Variants in ELL observed in about 807,000 individuals in gnomAD.
The protein encoded by ELL is RNA polymerase II elongation factor ELL.
Under a neutral mutation model 64.0 loss-of-function variants are expected in ELL, and 18 were observed. The ratio of observed to expected loss-of-function variants is 0.28; its 90% CI spans 0.19 to 0.42. The LOEUF (loss-of-function observed/expected upper bound fraction) is 0.42. ELL is among the 10% of genes least tolerant of loss of function. ELL has a pLI of 1.00. For synonymous variants in ELL, 399 were observed against 376.2 expected (o/e 1.06, Z -0.70); for missense variants, 797 against 870.4 (o/e 0.92, Z 1.06).
At chr19:18,460,978 G>A (rs1974799105) in intron 5 of ELL, among the ~76,000 whole-genome samples, 1 of 152,090 alleles carries the variant, frequency 6.6e-6, no homozygotes, top group African/African-American at 2.4e-5. Flanking sequence ...GGGTGAGGGG[G>A]GTGGAAGGCA....
At chr19:18,508,044 G>A (rs957910593) in intron 1 of ELL, among the ~76,000 whole-genome samples, 1 of 152,178 alleles carries the variant, frequency 6.6e-6, no homozygotes, top group African/African-American at 2.4e-5. Context: ...TAAAGAGGCC[G>A]GTTCCCACTG....
chr19:18,475,072 T>A lies in ELL; in HGVS notation c.136-2190A>T, dbSNP rs180951571. Among the ~76,000 whole-genome samples the A allele has an allele frequency of 3.6e-3, 552 of 152,224 alleles. 5 individuals carry two copies. The highest frequency in any genetic ancestry group is 0.013 in the African/African-American group (526 of 41,530). Reference sequence around the variant, plus strand: ...CCAGGAAGTGGAGGTTGCAGTGAGCTGAGATTGCACCACTGCACTCCAGCC... The same window carrying A: ...CCAGGAAGTGGAGGTTGCAGTGAGCAGAGATTGCACCACTGCACTCCAGCC... On this transcript the variant is annotated intron_variant, in intron 1 of 11. Coordinates refer to ENST00000262809, the MANE Select transcript of ELL (RefSeq NM_006532.4).
chr19:18,480,216 G>C (rs994334003), intron 1 of ELL, among the ~76,000 whole-genome samples: 3 of 152,190 alleles, frequency 2.0e-5, no homozygotes, highest in African/African-American at 7.2e-5. Flanking sequence ...CCCCACAACA[G>C]GCCCCCCCTT....
chr19:18,509,596 C>CAT, intron 1 of ELL, among the ~76,000 whole-genome samples: 1 of 39,970 alleles, frequency 2.5e-5, no homozygotes, highest in Non-Finnish European at 4.4e-5. Context: ...CGCGCGCGCA[C>CAT]ATACACACAC....
At chr19:18,473,064 AG>A in intron 1 of ELL, 182 bp from the exon 2 acceptor site, 2 of 718,212 alleles carry the variant, frequency 2.8e-6, no homozygotes, top group Middle Eastern at 3.7e-4. Context: ...GGGTTTTAGA[AG>A]GATCAGTAGG....
At chr19:18,495,406 G>T (rs1265404811) in intron 1 of ELL, among the ~76,000 whole-genome samples, 1 of 152,182 alleles carries the variant, frequency 6.6e-6, no homozygotes, top group East Asian at 1.9e-4. Context: ...GCAGGAGTTG[G>T]TGGGCCCCAC....
At chr19:18,504,690 T>A (rs115305180) in intron 1 of ELL, among the ~76,000 whole-genome samples, 413 of 152,188 alleles carry the variant, frequency 2.7e-3, no homozygotes, top group African/African-American at 9.8e-3. Flanking sequence ...AACAGAACTC[T>A]CCCAGCTGCA....
At chr19:18,461,897 G>GT (rs1396272726) in intron 4 of ELL, 45 bp from the exon 5 acceptor site, 1 of 1,581,596 alleles carries the variant, frequency 6.3e-7, no homozygotes, top group African/African-American at 1.3e-5. Context: ...GGGCGCTGCC[G>GT]TGTCCTAAGC....
chr19:18,451,652 C>A lies in ELL; in HGVS notation c.870-4G>T, dbSNP rs1034641236. The A allele has an allele frequency of 2.2e-5, 33 of 1,491,934 alleles. No homozygotes were observed. The highest frequency in any genetic ancestry group is 2.2e-4 in the Middle Eastern group (1 of 4,562). 92.4% of individuals were successfully genotyped at this position (1,491,934 alleles called of 1,614,324 possible). On this transcript the variant is annotated splice_polypyrimidine_tract_variant and splice_region_variant and intron_variant, in intron 6 of 11. Transcript: ENST00000262809. ...GCTCTGTGGCTGGCACAGCTTCCTG[C>A]GAAGGAGAGGCAGGGCTAGGTCAGA...
rs139728259 is a variant in ELL at position 18,487,021 on chromosome 19, C to T, written c.136-14139G>A. ...CCGTCAGCTACATGCCATGCTGACA[C>T]CTCCGATGCTTCCACCACCACGCAG... On this transcript the variant is annotated intron_variant, in intron 1 of 11. Transcript: ENST00000262809. Among the ~76,000 whole-genome samples, 454 of 152,362 alleles carry T rather than the reference C, an allele frequency of 3.0e-3. 5 individuals are homozygous for T. Among genetic ancestry groups the T allele is most frequent in the African/African-American group, 0.01 (428 of 41,580 alleles).
chr19:18,457,466 G>A (rs1001990777), intron 6 of ELL, among the ~76,000 whole-genome samples: 1 of 152,194 alleles, frequency 6.6e-6, no homozygotes, highest in Non-Finnish European at 1.5e-5. Flanking sequence ...ACCCTCTCAG[G>A]GGAGCAGAGT....
At position 18,501,123 on chromosome 19, in the gene ELL, T is replaced by C. The variant is rs943066976; in HGVS notation, c.135+20798A>G. The stretch of plus-strand genomic sequence containing the variant: ...GAAGAACGAGCGGGCCACGACACTG[T>C]TCTCGCCAGCTATGCCTGTGGGCAG... On this transcript the variant is annotated intron_variant, in intron 1 of 11. Transcript: ENST00000262809. This position sits in a 1 kb window ranked among gnomAD's most constrained non-coding sequence, Gnocchi z 4.5. 6.6e-6 allele frequency among the ~76,000 whole-genome samples: 1 copy of C among 151,906 alleles called. No homozygotes were observed. The highest frequency in any genetic ancestry group is 1.5e-5 in the Non-Finnish European group (1 of 67,990).
intron 1 of ELL, among the ~76,000 whole-genome samples, chr19:18,489,819 T>C (rs1275277160): frequency 2.0e-5 from 3 of 152,248 alleles, no homozygotes; most frequent in Middle Eastern, 3.4e-3. Context: ...TCTCACTGAT[T>C]GGGGTGCGAG....
chr19:18,466,064 G>T, intron 2 of ELL, 146 bp from the exon 3 acceptor site: 1 of 803,718 alleles, frequency 1.2e-6, no homozygotes, highest in Non-Finnish European at 1.7e-6. Context: ...CTGCTCTTCA[G>T]CCAGTGACGG....
At chr19:18,457,088 T>C (rs1289981050) in intron 6 of ELL, among the ~76,000 whole-genome samples, 1 of 152,126 alleles carries the variant, frequency 6.6e-6, no homozygotes, top group East Asian at 1.9e-4. Flanking sequence ...CTGATCCCCA[T>C]GCCGGCCCAG....
chr19:18,514,747 A>G (rs1030631681), intron 1 of ELL, among the ~76,000 whole-genome samples: 9 of 152,176 alleles, frequency 5.9e-5, no homozygotes, highest in African/African-American at 7.2e-5. Flanking sequence ...CACAACGGGG[A>G]GCAAGACCCT....
rs908931422 is a variant in ELL at position 18,519,448 on chromosome 19, C to A, written c.135+2473G>T. On this transcript the variant is annotated intron_variant, in intron 1 of 11. Coordinates refer to ENST00000262809, the MANE Select transcript of ELL (RefSeq NM_006532.4). ...TCACTACCCAAAACCACAGAGAGCACGGAGCTGCCGTGCCTTAGAAAAGTC... is the reference window on the plus strand; with the variant it reads ...TCACTACCCAAAACCACAGAGAGCAAGGAGCTGCCGTGCCTTAGAAAAGTC... Among the ~76,000 whole-genome samples the A allele has an allele frequency of 5.6e-4, 86 of 152,272 alleles. 1 individual carries two copies. Among genetic ancestry groups the A allele is most frequent in the Middle Eastern group, 3.4e-3 (1 of 294 alleles).
intron 8 of ELL, 35 bp downstream of exon 8, chr19:18,450,442 G>C (rs774407252): frequency 1.3e-6 from 2 of 1,598,994 alleles, no homozygotes; most frequent in Non-Finnish European, 8.5e-7. Flanking sequence ...CCAGTACTTA[G>C]AGCCCCGGCA....
chr19:18,483,616 C>T (rs917382487), intron 1 of ELL, among the ~76,000 whole-genome samples: 6 of 152,168 alleles, frequency 3.9e-5, no homozygotes, highest in African/African-American at 1.4e-4. Context: ...CAGGGCTGCC[C>T]GAGGTCACAG....
Sources: allele counts gnomAD v4.1 joint callset (sites outside exome capture counted in the v4.1 genomes callset), GRCh38; gene constraint gnomAD v4.1.1; non-coding constraint Gnocchi (gnomAD v3.1); transcripts MANE v1.5; gene names NCBI Gene and HGNC (gene_info 2026-07-23, HGNC 2026-07-21).